Variants in NEBL observed in about 807,000 individuals in gnomAD.
NEBL encodes the protein LIM and SH3 protein 2.
NEBL carries 122 observed loss-of-function variants against 140.2 expected under a neutral mutation model. That is an observed-to-expected ratio of 0.87 (90% CI 0.75 to 1.01). The LOEUF (loss-of-function observed/expected upper bound fraction) is 1.01. Among genes scored for constraint, NEBL ranks in the 50% least tolerant of loss-of-function variants. The pLI is 0.00. For synonymous variants in NEBL, 436 were observed against 398.9 expected, an observed-to-expected ratio of 1.09 and a Z score of -1.11; for missense variants, 1,365 against 1,231.3, an observed-to-expected ratio of 1.11 and a Z score of -1.62.
At chr10:21,112,991 GA>G (rs1838103933) in intron 2 of NEBL, 11 of 296,224 alleles carry the variant, frequency 3.7e-5, no homozygotes, top group South Asian at 7.0e-5. Context: ...AGTTTCCACA[GA>G]AAAAAAGTAA....
chr10:20,867,963 C>T (rs1844478144), intron 7 of NEBL: 1 of 151,434 alleles, frequency 6.6e-6, no homozygotes, highest in Non-Finnish European at 1.5e-5. Flanking sequence ...AACTTAAGTT[C>T]CCCTTCACTG....
At position 20,815,949 on chromosome 10, in the gene NEBL, G is replaced by A; in HGVS notation, c.2149-232C>T. On this transcript the variant is annotated intron_variant, in intron 21 of 27. Coordinates refer to ENST00000377122, the MANE Select transcript of NEBL (RefSeq NM_006393.3). The stretch of plus-strand genomic sequence containing the variant: ...ATGCCTGGCTAATTTTTGTATTTTT[G>A]TAGAGATTGAGTTTTGCCATGTTGT... 6.2e-6 allele frequency: 3 copies of A among 484,100 alleles called. No individual in the cohort carries two copies. The South Asian group carries it at 6.4e-5, about 10-fold the overall frequency. 30.0% of individuals were successfully genotyped at this position (484,100 alleles called of 1,614,324 possible). A position where few individuals can be genotyped will look rare whatever the true frequency, so the allele number is the denominator to read the frequency against.
chr10:20,973,775 C>G (rs1041371019), intron 3 of NEBL, among the ~76,000 whole-genome samples: 1 of 152,194 alleles, frequency 6.6e-6, no homozygotes, highest in South Asian at 2.1e-4. Flanking sequence ...AACCCAAAGT[C>G]TGGAGTGAAT....
At chr10:20,816,431 C>G (rs1031850837) in intron 21 of NEBL, among the ~76,000 whole-genome samples, 2 of 152,234 alleles carry the variant, frequency 1.3e-5, no homozygotes, top group Admixed American at 6.5e-5. Context: ...CTTTAAAAAG[C>G]CAGCATGCTT....
chr10:21,278,621 G>A (rs1019189835), intron 1 of NEBL, among the ~76,000 whole-genome samples: 1 of 152,208 alleles, frequency 6.6e-6, no homozygotes, highest in African/African-American at 2.4e-5. Context: ...GCTGTTTACT[G>A]TATTAGGGGT....
chr10:20,839,743 A>T (rs1841234123), intron 13 of NEBL, among the ~76,000 whole-genome samples: 1 of 152,168 alleles, frequency 6.6e-6, no homozygotes, highest in Non-Finnish European at 1.5e-5. Context: ...AGACACAATG[A>T]TTATGCCAGG....
rs727505285 is a variant in NEBL, at chr10:20,812,788, C to T, written c.2499G>A (p.Arg833=). The T allele has an allele frequency of 3.7e-6, 6 of 1,613,948 alleles. No homozygotes were observed. Among genetic ancestry groups the T allele is most frequent in the Middle Eastern group, 1.7e-4 (1 of 6,060 alleles). The part of the protein sequence containing the change: ...GVHPHIVEMD[R]RPGIIVDLKV... Reference sequence around the variant, plus strand: ...GCTTACCAACAATGATTCCAGGTCTCCTGTCCATCTCCACGATGTGAGGGT... The same window carrying T: ...GCTTACCAACAATGATTCCAGGTCTTCTGTCCATCTCCACGATGTGAGGGT... The change falls in exon 24 of 28, where the codon AGG becomes AGA. Residue 833 remains arginine (R), a synonymous_variant. Transcript: ENST00000377122.
chr10:20,812,891 G>A lies in NEBL; in HGVS notation c.2396C>T (p.Pro799Leu), dbSNP rs1320937284. ...CTCTGTCACAGGATCGTCCACGACG[G>A]GAGTAAAGCCTCTCCCCTTTGTTTT... ...FEKTKGRGFTPVVDDPVTERV... is the reference protein window; with the variant it reads ...FEKTKGRGFTLVVDDPVTERV... The change falls in exon 24 of 28, where the codon CCC becomes CTC. Residue 799 changes from proline to leucine, a missense_variant. Coordinates refer to ENST00000377122, the MANE Select transcript of NEBL (RefSeq NM_006393.3). 1 of 1,613,822 alleles carries A rather than the reference G, an allele frequency of 6.2e-7. No homozygotes were observed. The highest frequency in any genetic ancestry group is 8.5e-7 in the Non-Finnish European group (1 of 1,179,936).
intron 2 of NEBL, among the ~76,000 whole-genome samples, chr10:21,093,025 T>C (rs548727412): frequency 3.9e-5 from 6 of 152,198 alleles, no homozygotes; most frequent in Admixed American, 6.5e-5. Context: ...AAGAGAATAA[T>C]GAAAATCTAA....
At chr10:20,805,027 A>G (rs978528314) in intron 26 of NEBL, among the ~76,000 whole-genome samples, 2 of 152,140 alleles carry the variant, frequency 1.3e-5, no homozygotes, top group Admixed American at 6.5e-5. Flanking sequence ...GGGTAGCAAC[A>G]ATGGAGGTAG....
intron 3 of NEBL, among the ~76,000 whole-genome samples, chr10:20,999,179 G>C (rs1424512600): frequency 1.3e-5 from 2 of 149,438 alleles, no homozygotes; most frequent in Admixed American, 6.7e-5. Flanking sequence ...AAAAAAAAAG[G>C]CTGTCAGGGA....
intron 3 of NEBL, among the ~76,000 whole-genome samples, chr10:21,220,470 T>C (rs1842052446): frequency 6.6e-6 from 1 of 152,176 alleles, no homozygotes. Context: ...ATTGGACTTT[T>C]ATCTCCCACC....
Position 21,126,207 on chromosome 10 carries a change from A to G in NEBL, c.164+46176T>C, listed in dbSNP as rs74982127. ...AAAAAATACCACATTTGGAATAATA[A>G]CAACTACATTGCTGGTTATGTTTCA... On this transcript the variant is annotated intron_variant, in intron 2 of 6. Transcript: ENST00000417816. The G allele has an allele frequency of 2.1e-3, 2,742 of 1,333,844 alleles. 73 individuals are homozygous for G. In the East Asian group the frequency reaches 0.056, roughly 27 times the overall value. The allele number at this position is 1,333,844 out of a possible 1,614,324, so 82.6% of individuals were successfully genotyped here.
intron 4 of NEBL, among the ~76,000 whole-genome samples, chr10:20,912,910 T>A (rs1848390253): frequency 7.1e-6 from 1 of 141,384 alleles, no homozygotes; most frequent in African/African-American, 2.7e-5. Flanking sequence ...TTAGACAGAG[T>A]CTCTCTCTGT....
At position 21,244,041 on chromosome 10, in the gene NEBL, T is replaced by C. The variant is rs138022380; in HGVS notation, n.348+3880A>G. ...GAAAGGCATGTTTTTTATCAAGATG[T>C]GATTTATTTTTAAATAAGTTTTTTT... On this transcript the variant is annotated intron_variant and non_coding_transcript_variant, in intron 3 of 8. Transcript: ENST00000675702. Among the ~76,000 whole-genome samples the C allele has an allele frequency of 3.0e-4, 46 of 152,212 alleles. 1 individual carries two copies. The East Asian group carries it at 7.1e-3, about 24-fold the overall frequency.
chr10:20,926,225 CATTTCTGAAATA>C (rs1475326924), intron 4 of NEBL, among the ~76,000 whole-genome samples: 1 of 152,194 alleles, frequency 6.6e-6, no homozygotes, highest in East Asian at 1.9e-4. Flanking sequence ...GCTGCAGATT[CATTTCTGAAATA>C]ATATCCTGTT....
chr10:21,194,964 T>G (rs1199284601), intron 3 of NEBL, among the ~76,000 whole-genome samples: 1 of 151,966 alleles, frequency 6.6e-6, no homozygotes, highest in Admixed American at 6.6e-5. Context: ...GCACCTGTAG[T>G]GGGGACAGAT....
chr10:21,267,227 C>T (rs921641598), intron 1 of NEBL, among the ~76,000 whole-genome samples: 9 of 152,154 alleles, frequency 5.9e-5, no homozygotes, highest in South Asian at 2.1e-4. Context: ...CCGCCCACCT[C>T]GGCCTCCCAA....
At position 20,942,666 on chromosome 10, in the gene NEBL, G is replaced by A. The variant is rs1455696249; in HGVS notation, c.357+19006C>T. On this transcript the variant is annotated intron_variant, in intron 4 of 6. Transcript: ENST00000417816. The stretch of plus-strand genomic sequence containing the variant: ...AGTGAACAGGTGACCTACAGAATGG[G>A]AGAAAATTTCTGCAATCTACTCATC... 2.6e-5 allele frequency among the ~76,000 whole-genome samples: 4 copies of A among 152,172 alleles called. No homozygotes were observed. The East Asian group carries it at 7.7e-4, about 29-fold the overall frequency.
Sources: gnomAD v4.1 joint callset for allele counts (sites outside exome capture counted in the v4.1 genomes callset) on GRCh38, gnomAD v4.1.1 for gene constraint, MANE v1.5 for transcripts, NCBI Gene and HGNC (gene_info 2026-07-23, HGNC 2026-07-21) for gene names.